The following STAU1 variants were observed in gnomAD, a reference collection of about 807,000 sequenced individuals.
The protein encoded by STAU1 is double-stranded RNA-binding protein Staufen homolog 1.
STAU1 carries 13 observed loss-of-function variants against 62.9 expected under a neutral mutation model. That is an observed-to-expected ratio of 0.21 (90% CI 0.13 to 0.33). The LOEUF is 0.33. Ranked by LOEUF, STAU1 falls within the 10% of genes least tolerant of loss-of-function variation. The pLI is 1.00. For synonymous variants in STAU1, 269 were observed against 265.1 expected, an observed-to-expected ratio of 1.01 and a Z score of -0.14; for missense variants, 571 against 712.1, an observed-to-expected ratio of 0.80 and a Z score of 2.25.
chr20:49,166,208 T>C lies in STAU1; in HGVS notation c.-7A>G. 6.2e-7 allele frequency: 1 copy of C among 1,614,038 alleles called. No individual in the cohort carries two copies. Among genetic ancestry groups the C allele is most frequent in the Non-Finnish European group, 8.5e-7 (1 of 1,179,944 alleles). ...GCACTTGAACTTGAGACATGGTCACTTTCAACAAAAGTGAACAAATGCAGG... is the reference window on the plus strand; with the variant it reads ...GCACTTGAACTTGAGACATGGTCACCTTCAACAAAAGTGAACAAATGCAGG... On this transcript the variant is annotated 5_prime_UTR_variant, in exon 3 of 14. Coordinates refer to ENST00000371856, the MANE Select transcript of STAU1 (RefSeq NM_017453.4).
chr20:49,118,443 G>A (rs1014684189), intron 9 of STAU1, 35 bp from the exon 10 acceptor site: 3 of 1,499,542 alleles, frequency 2.0e-6, no homozygotes, highest in East Asian at 2.3e-5. Flanking sequence ...AAGGCCATGA[G>A]CATAAATCAG....
chr20:49,202,219 CAAA>C, the STAU1 span, among the ~76,000 whole-genome samples: 2 of 80,312 alleles, frequency 2.5e-5, no homozygotes, highest in African/African-American at 6.0e-5. Flanking sequence ...GACTCCATCT[CAAA>C]AAAAAAAAAA....
the STAU1 span, chr20:49,210,623 C>A: frequency 2.4e-6 from 1 of 410,354 alleles, no homozygotes; most frequent in African/African-American, 2.1e-5. Flanking sequence ...TTGGCACTTA[C>A]ACTTTGCATA....
chr20:49,180,006 T>C (rs1039888746), intron 1 of STAU1, among the ~76,000 whole-genome samples: 1 of 152,222 alleles, frequency 6.6e-6, no homozygotes, highest in African/African-American at 2.4e-5. Context: ...ATCCAGCCTT[T>C]CAAGACTAAC....
At chr20:49,170,670 T>C (rs1321722028) in intron 2 of STAU1, among the ~76,000 whole-genome samples, 1 of 151,884 alleles carries the variant, frequency 6.6e-6, no homozygotes, top group Non-Finnish European at 1.5e-5. Context: ...ACATTTTTAA[T>C]AAGTAATTTT....
At chr20:49,196,772 A>G in the STAU1 span, among the ~76,000 whole-genome samples, 1 of 80,754 alleles carries the variant, frequency 1.2e-5, no homozygotes, top group Non-Finnish European at 2.7e-5. Flanking sequence ...TCTGTCTCAA[A>G]AAGGAAAAAA....
At chr20:49,133,035 T>C (rs746162191) in intron 6 of STAU1, among the ~76,000 whole-genome samples, 7 of 152,142 alleles carry the variant, frequency 4.6e-5, no homozygotes, top group Admixed American at 6.5e-5. Context: ...AGTTAATGAA[T>C]ATAAGCACTC....
Position 49,114,890 on chromosome 20 carries a change from A to T in STAU1, c.1722T>A (p.Cys574Ter), listed in dbSNP as rs761038652. ...GGCCAGAAAAGGTTCAGCACCTCCC[A>T]CACCTTTAAGGAAGAAAAATGAAAA... is the stretch of plus-strand genomic sequence containing the variant. ...PRTGNGPMSV[C>*]GRC Residue 574 changes from cysteine to a stop codon, truncating the protein, a stop_gained, in exon 14 of 14, where the codon TGT becomes TGA. Transcript: ENST00000371856. LOFTEE classifies it high-confidence loss of function. 4 of 1,613,484 alleles carry T rather than the reference A, an allele frequency of 2.5e-6. No individual in the cohort carries two copies. Among genetic ancestry groups the T allele is most frequent in the Non-Finnish European group, 3.4e-6 (4 of 1,179,544 alleles).
Position 49,151,044 on chromosome 20 carries a change from T to C in STAU1, c.510+538A>G, listed in dbSNP as rs188479300. Among the ~76,000 whole-genome samples the C allele has an allele frequency of 2.6e-3, 389 of 152,260 alleles. 2 individuals are homozygous for C. Among genetic ancestry groups the C allele is most frequent in the Non-Finnish European group, 3.6e-3 (247 of 68,010 alleles). ...AAAGCTGTGTGGAACGAAGACAAGC[T>C]ACACCCTTGCCAAGCCCAGCCTCAA... On this transcript the variant is annotated intron_variant, in intron 5 of 13. Transcript: ENST00000371856.
intron 5 of STAU1, among the ~76,000 whole-genome samples, chr20:49,151,331 C>A (rs900433763): frequency 1.3e-5 from 2 of 152,158 alleles, no homozygotes; most frequent in Admixed American, 6.6e-5. Context: ...CGTGTTCACA[C>A]CGTATCATGT....
In STAU1 at chr20:49,170,385, C is replaced by T. The variant is rs922094739; in HGVS notation, c.-85+3810G>A. Among the ~76,000 whole-genome samples the T allele has an allele frequency of 3.3e-5, 5 of 152,218 alleles. No individual in the cohort carries two copies. In the East Asian group the frequency reaches 5.8e-4, roughly 18 times the overall value. On this transcript the variant is annotated intron_variant, in intron 2 of 13. Coordinates refer to ENST00000371856, the MANE Select transcript of STAU1 (RefSeq NM_017453.4). ...TTTTTTTTCTGGAGACAGTCTCACT[C>T]TGTCGTCCAGGTTGGAGTGCAGTGG... is the stretch of plus-strand genomic sequence containing the variant.
In STAU1 at chr20:49,119,905, C is replaced by T. The variant is rs902907976; in HGVS notation, c.1113+77G>A. The stretch of plus-strand genomic sequence containing the variant: ...AGGCAGATAAAGCCTTGCCTTGAAG[C>T]CTGCCCCTGGAGGTGCCCCAGTTCC... On this transcript the variant is annotated intron_variant, in intron 9 of 13. Coordinates refer to ENST00000371856, the MANE Select transcript of STAU1 (RefSeq NM_017453.4). 3.3e-6 allele frequency: 5 copies of T among 1,527,400 alleles called. No individual in the cohort carries two copies. The African/African-American group carries it at 5.5e-5, about 17-fold the overall frequency. The allele number at this position is 1,527,400 out of a possible 1,614,324, so 94.6% of individuals were successfully genotyped here.
chr20:49,187,104 C>A (rs182448215), intron 1 of STAU1, among the ~76,000 whole-genome samples: 1 of 152,292 alleles, frequency 6.6e-6, no homozygotes, highest in Admixed American at 6.5e-5. Flanking sequence ...CGTACACCCC[C>A]CTTCAGAGCC....
At chr20:49,157,321 CT>C (rs1050804524) in intron 3 of STAU1, among the ~76,000 whole-genome samples, 1 of 152,006 alleles carries the variant, frequency 6.6e-6, no homozygotes, top group African/African-American at 2.4e-5. Context: ...CATAACCACC[CT>C]TTTTTTCAGT....
intron 4 of STAU1, among the ~76,000 whole-genome samples, chr20:49,152,811 A>T (rs1361062274): frequency 2.6e-5 from 4 of 152,340 alleles, no homozygotes; most frequent in African/African-American, 9.6e-5. Context: ...TCTTGCAGGA[A>T]TCATGATGCT....
At chr20:49,160,866 G>A (rs2146331760) in intron 3 of STAU1, among the ~76,000 whole-genome samples, 1 of 152,224 alleles carries the variant, frequency 6.6e-6, no homozygotes, top group East Asian at 1.9e-4. Flanking sequence ...TCTTCTCCCT[G>A]CCCTAAGGTC....
chr20:49,181,711 A>G (rs1265954184), intron 1 of STAU1, among the ~76,000 whole-genome samples: 1 of 129,000 alleles, frequency 7.8e-6, no homozygotes, highest in African/African-American at 3.0e-5. Flanking sequence ...GGTTGCAGTG[A>G]GCCGAGATGA....
At chr20:49,178,996 G>A (rs1474653879) in intron 1 of STAU1, 3 of 148,884 alleles carry the variant, frequency 2.0e-5, no homozygotes, top group Admixed American at 6.7e-5. Flanking sequence ...CAGGACAATG[G>A]CGTGAACCCG....
In STAU1 at chr20:49,135,850, A is replaced by G. The variant is rs960454220; in HGVS notation, c.592T>C (p.Leu198=). The G allele has an allele frequency of 1.2e-6, 2 of 1,613,462 alleles. No homozygotes were observed. Among genetic ancestry groups the G allele is most frequent in the African/African-American group, 2.7e-5 (2 of 75,046 alleles). ...TAGCTTACCTCGAAATTCACAGGCA[A>G]GTTCCGTTTAAGTGCAATCTCAAAC... is the stretch of plus-strand genomic sequence containing the variant. ...QVFEIALKRN[L]PVNFEVARES... is the part of the protein sequence containing the mutation. Residue 198 remains leucine (L), a synonymous_variant, in exon 6 of 14, where the codon TTG becomes CTG. Coordinates refer to ENST00000371856, the MANE Select transcript of STAU1 (RefSeq NM_017453.4).
Sources: gnomAD v4.1 joint callset for allele counts (sites outside exome capture counted in the v4.1 genomes callset) on GRCh38, gnomAD v4.1.1 for gene constraint, MANE v1.5 for transcripts, NCBI Gene and HGNC (gene_info 2026-07-23, HGNC 2026-07-21) for gene names.